RNPEPL1: variants seen among roughly 807,000 people sequenced by gnomAD.
RNPEPL1 encodes the protein arginyl aminopeptidase like 1.
A neutral mutation model predicts 69.0 loss-of-function variants in RNPEPL1; 46 were observed. The observed-to-expected ratio is 0.67, with a 90% CI of 0.53 to 0.85. RNPEPL1 has a LOEUF of 0.85. Ranked by LOEUF, RNPEPL1 falls within the 40% of genes least tolerant of loss-of-function variation. The pLI is 0.00. For missense variants in RNPEPL1, 869 were observed against 992.5 expected (o/e 0.88, Z 1.67); for synonymous variants, 525 against 454.1 (o/e 1.16, Z -1.98).
rs1430546777 is a variant in RNPEPL1, at chr2:240,580,649, CT to C, written c.*2758del. On this transcript the variant is annotated 3_prime_UTR_variant, in exon 11 of 11. Coordinates refer to ENST00000270357, the MANE Select transcript of RNPEPL1 (RefSeq NM_018226.6). Reference sequence around the variant, plus strand: ...GGGGCTCACACTGGCAGTGGAAGTTCTAAGGGGCCTACAACCACAGGGGCTG... The same window carrying C: ...GGGGCTCACACTGGCAGTGGAAGTTCAAGGGGCCTACAACCACAGGGGCTG... 1.6e-4 allele frequency: 25 copies of C among 152,200 alleles called. No individual in the cohort carries two copies. Among genetic ancestry groups the C allele is most frequent in the African/African-American group, 5.6e-4 (23 of 41,424 alleles). The allele number at this position is 152,200 out of a possible 1,614,324, so 9.4% of individuals were successfully genotyped here.
rs1017170692 is a variant in RNPEPL1 at position 240,570,703 on chromosome 2, G to T, written c.528+1589G>T. Among the ~76,000 whole-genome samples, 5 of 152,296 alleles carry T rather than the reference G, an allele frequency of 3.3e-5. No individual in the cohort carries two copies. The South Asian group carries it at 1.0e-3, about 32-fold the overall frequency. Reference sequence around the variant, plus strand: ...CCCCCACCCCACCCCAGCAAGAACAGCGTTCTTCCTGCCCTGCAGCGTCTG... The same window carrying T: ...CCCCCACCCCACCCCAGCAAGAACATCGTTCTTCCTGCCCTGCAGCGTCTG... On this transcript the variant is annotated intron_variant, in intron 1 of 10. Coordinates refer to ENST00000270357, the MANE Select transcript of RNPEPL1 (RefSeq NM_018226.6).
intron 5 of RNPEPL1, 51 bp downstream of exon 5, chr2:240,574,399 CA>C (rs756970446): frequency 1.5e-5 from 23 of 1,572,046 alleles, no homozygotes; most frequent in South Asian, 1.5e-4. Flanking sequence ...GGCACTGGTC[CA>C]GGGGCAGAGA....
At chr2:240,575,797 G>A in intron 8 of RNPEPL1, 187 bp downstream of exon 8, 1 of 592,338 alleles carries the variant, frequency 1.7e-6, no homozygotes, top group Admixed American at 2.9e-5. Flanking sequence ...CTGGGGTTGG[G>A]GGCCTCCCTG....
Position 240,574,302 on chromosome 2 carries a change from G to A in RNPEPL1, c.1128G>A (p.Glu376=), listed in dbSNP as rs2093031427. 1 of 1,606,824 alleles carries A rather than the reference G, an allele frequency of 6.2e-7. No homozygotes were observed. The highest frequency in any genetic ancestry group is 8.5e-7 in the Non-Finnish European group (1 of 1,179,832). The part of the protein sequence containing the change: ...NATWEEMWLS[E]GLATYAQRRI... ...CGTGGGAAGAGATGTGGCTGAGCGA[G>A]GGCCTGGCCACCTATGCCCAGCGCC... Residue 376 remains glutamate, a synonymous_variant, in exon 5 of 11, where the codon GAG becomes GAA. Transcript: ENST00000270357.
chr2:240,574,821 C>T, intron 6 of RNPEPL1, 193 bp downstream of exon 6: 2 of 660,010 alleles, frequency 3.0e-6, no homozygotes, highest in South Asian at 3.6e-5. Flanking sequence ...GCTTCCCTGG[C>T]TCTGAGCAGC....
At position 240,568,796 on chromosome 2, in the gene RNPEPL1, C is replaced by A; in HGVS notation, c.210C>A (p.Pro70=). The stretch of plus-strand genomic sequence containing the variant: ...TGCTCGAGCTGTGCGCGCTGCGGCC[C>A]GCGCCCCGCGCGCTCGTGCTCGACG... ...CLVLELCALR[P]APRALVLDAH... The change falls in exon 1 of 11, where the codon CCC becomes CCA. Residue 70 remains proline (P), a synonymous_variant. Transcript: ENST00000270357. The surrounding 1 kb of genome is among the most constrained non-coding windows in gnomAD (Gnocchi z 6.2). The A allele has an allele frequency of 9.2e-7, 1 of 1,082,284 alleles. No homozygotes were observed. Among genetic ancestry groups the A allele is most frequent in the Non-Finnish European group, 1.1e-6 (1 of 891,414 alleles). 67.0% of individuals were successfully genotyped at this position (1,082,284 alleles called of 1,614,324 possible). A position where few individuals can be genotyped will look rare whatever the true frequency, so the allele number is the denominator to read the frequency against.
chr2:240,573,719 G>T, intron 3 of RNPEPL1, 56 bp from the exon 4 acceptor site: 1 of 1,397,936 alleles, frequency 7.2e-7, no homozygotes. Flanking sequence ...AGAGCCTGGT[G>T]GGGTGAGCGG....
intron 1 of RNPEPL1, among the ~76,000 whole-genome samples, chr2:240,571,314 C>A (rs1223049887): frequency 6.6e-6 from 1 of 152,190 alleles, no homozygotes; most frequent in East Asian, 1.9e-4. Flanking sequence ...ATCCTCCAGG[C>A]CTCAGCTGTG....
intron 1 of RNPEPL1, 97 bp downstream of exon 1, chr2:240,569,211 C>A: frequency 7.8e-7 from 1 of 1,281,204 alleles, no homozygotes; most frequent in Non-Finnish European, 1.0e-6. Context: ...CGAATCTGCG[C>A]CCTACAGGTG....
At position 240,579,881 on chromosome 2, in the gene RNPEPL1, C is replaced by T. The variant is rs2093048236; in HGVS notation, c.*1989C>T. 6.6e-6 allele frequency: 1 copy of T among 152,256 alleles called. No homozygotes were observed. The highest frequency in any genetic ancestry group is 1.5e-5 in the Non-Finnish European group (1 of 68,068). 9.4% of individuals were successfully genotyped at this position (152,256 alleles called of 1,614,324 possible). Reference sequence around the variant, plus strand: ...TTTTGCAATTCAGCTCTCGAAATGACTCTGTGGTCTGCGGGTGACTCCACT... The same window carrying T: ...TTTTGCAATTCAGCTCTCGAAATGATTCTGTGGTCTGCGGGTGACTCCACT... On this transcript the variant is annotated 3_prime_UTR_variant, in exon 11 of 11. Coordinates refer to ENST00000270357, the MANE Select transcript of RNPEPL1 (RefSeq NM_018226.6).
chr2:240,577,702 C>A lies in RNPEPL1; in HGVS notation c.1988C>A (p.Pro663His). The A allele has an allele frequency of 6.2e-7, 1 of 1,612,672 alleles. No individual in the cohort carries two copies. Among genetic ancestry groups the A allele is most frequent in the Non-Finnish European group, 8.5e-7 (1 of 1,179,714 alleles). The change falls in exon 11 of 11, where the codon CCC becomes CAC. Residue 663 changes from proline to histidine, a missense_variant. Transcript: ENST00000270357. ...TACCAGACGCAGGGCCGGCTGCACC[C>A]CAACCTGCGCAGAGCCATCCAGCAG... ...VFYQTQGRLHPNLRRAIQQIL... is the reference protein window; with the variant it reads ...VFYQTQGRLHHNLRRAIQQIL...
At chr2:240,571,734 C>T (rs956607613) in intron 1 of RNPEPL1, among the ~76,000 whole-genome samples, 4 of 151,548 alleles carry the variant, frequency 2.6e-5, no homozygotes, top group African/African-American at 4.9e-5. Flanking sequence ...CTGCTGTGAG[C>T]GCACCCATTC....
Position 240,574,518 on chromosome 2 carries a change from C to A in RNPEPL1, c.1178C>A (p.Ala393Asp). 6.2e-7 allele frequency: 1 copy of A among 1,609,928 alleles called. No individual in the cohort carries two copies. Among genetic ancestry groups the A allele is most frequent in the Non-Finnish European group, 8.5e-7 (1 of 1,178,746 alleles). The change falls in exon 6 of 11, where the codon GCT becomes GAT. Residue 393 changes from alanine to aspartate, a missense_variant. Coordinates refer to ENST00000270357, the MANE Select transcript of RNPEPL1 (RefSeq NM_018226.6). ...QRRITTETYG[A>D]AFTCLETAFR... ...TCTGTCTCCGGACCCCATCCAGGTG[C>A]TGCCTTCACCTGCCTGGAGACTGCC...
intron 1 of RNPEPL1, among the ~76,000 whole-genome samples, chr2:240,571,958 G>A (rs573562431): frequency 2.6e-5 from 4 of 152,160 alleles, no homozygotes; most frequent in South Asian, 2.1e-4. Context: ...CTGCTAGTGC[G>A]TAGCCATCAG....
intron 1 of RNPEPL1, 104 bp from the exon 2 acceptor site, chr2:240,572,319 G>A: frequency 7.5e-7 from 1 of 1,334,736 alleles, no homozygotes; most frequent in Admixed American, 2.3e-5. Context: ...TCTGGCCATT[G>A]TCCCCTCCCA....
rs1041361788 is a variant in RNPEPL1 at position 240,578,582 on chromosome 2, A to G, written c.*690A>G. On this transcript the variant is annotated 3_prime_UTR_variant, in exon 11 of 11. Transcript: ENST00000270357. Reference sequence around the variant, plus strand: ...GGGTGGGAGGCACAGGGGCAAAGCAATACCCCAGGGAAAGTGGGAGGTGGT... The same window carrying G: ...GGGTGGGAGGCACAGGGGCAAAGCAGTACCCCAGGGAAAGTGGGAGGTGGT... The G allele has an allele frequency of 6.6e-6, 1 of 152,476 alleles. No individual in the cohort carries two copies. The highest frequency in any genetic ancestry group is 1.5e-5 in the Non-Finnish European group (1 of 68,174). The allele number at this position is 152,476 out of a possible 1,614,324, so 9.4% of individuals were successfully genotyped here. A position where few individuals can be genotyped will look rare whatever the true frequency, so the allele number is the denominator to read the frequency against.
Position 240,568,799 on chromosome 2 carries a change from G to A in RNPEPL1, c.213G>A (p.Ala71=), listed in dbSNP as rs1479786717. 1.8e-5 allele frequency: 20 copies of A among 1,085,196 alleles called. No individual in the cohort carries two copies. The highest frequency in any genetic ancestry group is 2.2e-5 in the Non-Finnish European group (20 of 893,174). The allele number at this position is 1,085,196 out of a possible 1,614,324, so 67.2% of individuals were successfully genotyped here. A position where few individuals can be genotyped will look rare whatever the true frequency, so the allele number is the denominator to read the frequency against. ...LVLELCALRP[A]PRALVLDAHP... is the part of the protein sequence containing the mutation. Reference sequence around the variant, plus strand: ...TCGAGCTGTGCGCGCTGCGGCCCGCGCCCCGCGCGCTCGTGCTCGACGCGC... The same window carrying A: ...TCGAGCTGTGCGCGCTGCGGCCCGCACCCCGCGCGCTCGTGCTCGACGCGC... Residue 71 remains alanine, a synonymous_variant, in exon 1 of 11, where the codon GCG becomes GCA. Transcript: ENST00000270357. This position sits in a 1 kb window ranked among gnomAD's most constrained non-coding sequence, Gnocchi z 6.2.
intron 7 of RNPEPL1, 63 bp downstream of exon 7, chr2:240,575,205 C>T (rs2093034278): frequency 3.8e-6 from 5 of 1,306,444 alleles, no homozygotes; most frequent in Middle Eastern, 1.8e-4. Context: ...CCCCGGCTCA[C>T]AGGGCTGCCT....
intron 2 of RNPEPL1, 76 bp downstream of exon 2, chr2:240,572,639 C>G: frequency 6.7e-7 from 1 of 1,501,842 alleles, no homozygotes; most frequent in South Asian, 1.2e-5. Context: ...CCCCCTTGCT[C>G]CTACCTGCCT....
Sources: gnomAD v4.1 joint callset for allele counts (sites outside exome capture counted in the v4.1 genomes callset) on GRCh38, gnomAD v4.1.1 for gene constraint, Gnocchi (gnomAD v3.1) non-coding constraint, MANE v1.5 for transcripts, NCBI Gene and HGNC (gene_info 2026-07-23, HGNC 2026-07-21) for gene names.